The following SCAI variants were observed in gnomAD, a reference collection of about 807,000 sequenced individuals.
SCAI encodes the protein protein SCAI.
Under a neutral mutation model 92.2 loss-of-function variants are expected in SCAI, and 24 were observed. The observed-to-expected ratio is 0.26, with a 90% CI of 0.19 to 0.37. The LOEUF is 0.37. Ranked by LOEUF, SCAI falls within the 10% of genes least tolerant of loss-of-function variation. The pLI, the probability that SCAI is intolerant of heterozygous loss-of-function variation, is 1.00. For missense variants in SCAI, 450 were observed against 736.2 expected (o/e 0.61, Z 4.50); for synonymous variants, 261 against 258.6 (o/e 1.01, Z -0.09).
chr9:125,086,699 T>C (rs747783967), intron 2 of SCAI, among the ~76,000 whole-genome samples: 2 of 152,190 alleles, frequency 1.3e-5, no homozygotes, highest in Non-Finnish European at 2.9e-5. Context: ...ACAGATATAT[T>C]TGGGACCAGC....
intron 2 of SCAI, among the ~76,000 whole-genome samples, chr9:125,116,982 A>G (rs1045095053): frequency 1.1e-4 from 16 of 152,216 alleles, no homozygotes; most frequent in African/African-American, 3.9e-4. Context: ...GCTGCAAAGG[A>G]TAAAGGAATA....
At chr9:125,057,514 G>C (rs917781716) in intron 2 of SCAI, among the ~76,000 whole-genome samples, 2 of 152,190 alleles carry the variant, frequency 1.3e-5, no homozygotes, top group Admixed American at 6.5e-5. Flanking sequence ...GTAAAACTTA[G>C]GAAATCAGAA....
intron 2 of SCAI, among the ~76,000 whole-genome samples, chr9:125,131,583 T>C (rs1835402310): frequency 6.6e-6 from 1 of 152,230 alleles, no homozygotes; most frequent in Admixed American, 6.5e-5. Flanking sequence ...TGAAAATCAC[T>C]GCTTAACTCT....
At chr9:125,032,195 A>ATTTTTTTTTT (rs71374219) in intron 3 of SCAI, among the ~76,000 whole-genome samples, 27 of 99,448 alleles carry the variant, frequency 2.7e-4, no homozygotes, top group African/African-American at 1.2e-3. Flanking sequence ...ATATATATAT[A>ATTTTTTTTTT]TTTTTTTTTT....
At chr9:125,125,035 A>C (rs1835231356) in intron 2 of SCAI, among the ~76,000 whole-genome samples, 1 of 152,096 alleles carries the variant, frequency 6.6e-6, no homozygotes, top group Non-Finnish European at 1.5e-5. Context: ...AGCCTGGTCA[A>C]CATGGCAAAA....
intron 14 of SCAI, among the ~76,000 whole-genome samples, chr9:124,987,663 C>G (rs959091560): frequency 1.3e-5 from 2 of 152,058 alleles, no homozygotes; most frequent in Non-Finnish European, 2.9e-5. Flanking sequence ...TCAACATGCA[C>G]TGATTAAGAC....
At chr9:125,017,917 G>A (rs1832794774) in intron 9 of SCAI, among the ~76,000 whole-genome samples, 1 of 151,680 alleles carries the variant, frequency 6.6e-6, no homozygotes, top group Admixed American at 6.6e-5. Flanking sequence ...TGAGAGGCAG[G>A]AGAATCGCTT....
chr9:125,011,621 CAGG>C (rs1488156985), intron 9 of SCAI, among the ~76,000 whole-genome samples: 1 of 152,166 alleles, frequency 6.6e-6, no homozygotes, highest in Non-Finnish European at 1.5e-5. Context: ...GGATATTATC[CAGG>C]AGAACTTCCC....
intron 14 of SCAI, among the ~76,000 whole-genome samples, chr9:124,985,516 A>G (rs1287360024): frequency 6.6e-6 from 1 of 152,216 alleles, no homozygotes; most frequent in African/African-American, 2.4e-5. Flanking sequence ...AATCAAGCAT[A>G]CAGGGGCACA....
chr9:125,087,724 A>G (rs1834350524), intron 2 of SCAI, among the ~76,000 whole-genome samples: 1 of 152,220 alleles, frequency 6.6e-6, no homozygotes, highest in African/African-American at 2.4e-5. Context: ...TAAAAGCAAA[A>G]AAATCCATTT....
chr9:125,106,210 A>G (rs1834797292), intron 2 of SCAI, among the ~76,000 whole-genome samples: 1 of 137,884 alleles, frequency 7.3e-6, no homozygotes, highest in African/African-American at 2.6e-5. Context: ...ATTTTGGTCT[A>G]AATACCTTAA....
At chr9:125,030,291 A>G (rs904130951) in intron 3 of SCAI, among the ~76,000 whole-genome samples, 30 of 152,218 alleles carry the variant, frequency 2.0e-4, no homozygotes, top group Non-Finnish European at 3.8e-4. Context: ...CCTTTGGCCA[A>G]TGAAATATAA....
intron 14 of SCAI, among the ~76,000 whole-genome samples, chr9:124,980,560 G>A (rs899383208): frequency 2.0e-5 from 3 of 152,102 alleles, no homozygotes; most frequent in African/African-American, 7.2e-5. Context: ...TAAGAGCCAG[G>A]CAGAGAGTGC....
chr9:125,029,559 C>G, intron 4 of SCAI, 85 bp downstream of exon 4: 1 of 673,166 alleles, frequency 1.5e-6, no homozygotes, highest in Non-Finnish European at 2.4e-6. Context: ...AGCACCAAGA[C>G]AAAAAGCACT....
At chr9:125,129,454 C>CT (rs1171739834) in intron 2 of SCAI, among the ~76,000 whole-genome samples, 1,020 of 67,584 alleles carry the variant, frequency 0.015, 115 homozygotes, top group Non-Finnish European at 0.021. Flanking sequence ...ATTAGAATTT[C>CT]TTTTTTTTTT....
chr9:124,977,678 C>CA lies in SCAI; in HGVS notation c.1327-1493dup, dbSNP rs1460827762. On this transcript the variant is annotated intron_variant, in intron 14 of 17. Transcript: ENST00000336505. Reference sequence around the variant, plus strand: ...AACAGAGCGAGACCCTGTCTCAAAACAAAAAACAAAACAAAACAAAACATA... The same window carrying CA: ...AACAGAGCGAGACCCTGTCTCAAAACAAAAAAACAAAACAAAACAAAACATA... Among the ~76,000 whole-genome samples, 10 of 151,944 alleles carry CA rather than the reference C, an allele frequency of 6.6e-5. No individual in the cohort carries two copies. In the East Asian group the frequency reaches 1.4e-3, roughly 21 times the overall value.
chr9:125,111,602 G>C (rs955955602), intron 2 of SCAI, among the ~76,000 whole-genome samples: 7 of 151,392 alleles, frequency 4.6e-5, no homozygotes, highest in Non-Finnish European at 1.0e-4. Flanking sequence ...TAGTGTTAGT[G>C]TATTTTATAT....
At chr9:125,040,211 G>T (rs975893884) in intron 3 of SCAI, among the ~76,000 whole-genome samples, 2 of 152,058 alleles carry the variant, frequency 1.3e-5, no homozygotes, top group African/African-American at 4.8e-5. Flanking sequence ...CAATAAATTA[G>T]CCAAGTGTGG....
At chr9:125,142,899 C>T (rs1445643371) in intron 1 of SCAI, among the ~76,000 whole-genome samples, 3 of 152,034 alleles carry the variant, frequency 2.0e-5, no homozygotes, top group Non-Finnish European at 4.4e-5. Context: ...GAGCTCAAAC[C>T]TTCCTGGTCC....
Sources: gnomAD v4.1 joint callset for allele counts (sites outside exome capture counted in the v4.1 genomes callset) on GRCh38, gnomAD v4.1.1 for gene constraint, MANE v1.5 for transcripts, NCBI Gene and HGNC (gene_info 2026-07-23, HGNC 2026-07-21) for gene names.